The following KIF6 variants were observed in gnomAD, a reference collection of about 807,000 sequenced individuals.
The protein encoded by KIF6 is kinesin family member 6, also known as kinesin-like protein KIF6.
Under a neutral mutation model 112.7 loss-of-function variants are expected in KIF6, and 106 were observed. That is an observed-to-expected ratio of 0.94 (90% confidence interval 0.80 to 1.11). The LOEUF is 1.11. KIF6 is among the 50% of genes least tolerant of loss of function. The pLI, the probability that KIF6 is intolerant of heterozygous loss-of-function variation, is 0.00. For missense variants in KIF6, 929 were observed against 964.0 expected, an observed-to-expected ratio of 0.96 and a Z score of 0.48; for synonymous variants, 339 against 339.9, an observed-to-expected ratio of 1.00 and a Z score of 0.03.
intron 16 of KIF6, among the ~76,000 whole-genome samples, chr6:39,370,863 A>G (rs1400691319): frequency 1.3e-5 from 2 of 151,904 alleles, no homozygotes; most frequent in African/African-American, 4.8e-5. Context: ...ACTACTGTCG[A>G]TTTTTATTCA....
intron 7 of KIF6, among the ~76,000 whole-genome samples, chr6:39,589,451 C>A (rs553923446): frequency 3.9e-5 from 6 of 152,226 alleles, no homozygotes; most frequent in African/African-American, 1.2e-4. Context: ...ACCCCCACTG[C>A]GGAGAACAGT....
intron 2 of KIF6, among the ~76,000 whole-genome samples, chr6:39,719,315 T>C (rs780182535): frequency 2.4e-4 from 36 of 147,550 alleles, no homozygotes; most frequent in Non-Finnish European, 4.7e-4. Flanking sequence ...CAAAACTCTG[T>C]CTCAAAAAAA....
chr6:39,558,323 G>C (rs968835177), intron 10 of KIF6, among the ~76,000 whole-genome samples: 1 of 152,076 alleles, frequency 6.6e-6, no homozygotes, highest in African/African-American at 2.4e-5. Flanking sequence ...CCTTTGTGCA[G>C]GCTATCAGGA....
At chr6:39,430,512 T>C (rs779560879) in intron 14 of KIF6, among the ~76,000 whole-genome samples, 1 of 152,200 alleles carries the variant, frequency 6.6e-6, no homozygotes, top group Non-Finnish European at 1.5e-5. Context: ...TATATACCTC[T>C]AAGTAAGCTT....
At chr6:39,377,349 T>TCCCCCCCCCCCCCCCCACC (rs1766520155) in intron 16 of KIF6, among the ~76,000 whole-genome samples, 1 of 139,498 alleles carries the variant, frequency 7.2e-6, no homozygotes, top group African/African-American at 2.8e-5. Flanking sequence ...GTGCCTGCCC[T>TCCCCCCCCCCCCCCCCACC]GCCGTCCCCC....
chr6:39,611,602 T>C (rs976272904), intron 6 of KIF6, among the ~76,000 whole-genome samples: 20 of 152,158 alleles, frequency 1.3e-4, no homozygotes, highest in African/African-American at 4.6e-4. Flanking sequence ...CGAAAGAAAG[T>C]CAGTTAGCAC....
At chr6:39,674,542 A>G (rs1054442368) in intron 3 of KIF6, among the ~76,000 whole-genome samples, 1 of 152,012 alleles carries the variant, frequency 6.6e-6, no homozygotes, top group African/African-American at 2.4e-5. Context: ...ACCAAATTGA[A>G]CTGAGCTGAG....
At chr6:39,597,529 T>G (rs1424736048) in intron 6 of KIF6, among the ~76,000 whole-genome samples, 1 of 152,114 alleles carries the variant, frequency 6.6e-6, no homozygotes, top group Non-Finnish European at 1.5e-5. Flanking sequence ...AAGGATGCAC[T>G]GATTTAGTAA....
chr6:39,725,096 G>A (rs1261983246), intron 1 of KIF6, 149 bp downstream of exon 1: 2 of 574,502 alleles, frequency 3.5e-6, no homozygotes, highest in Non-Finnish European at 5.8e-6. Context: ...GCGGCTGCAG[G>A]GCTCCTCGGT....
intron 15 of KIF6, among the ~76,000 whole-genome samples, chr6:39,414,812 T>C (rs1399775088): frequency 2.6e-5 from 4 of 152,012 alleles, no homozygotes; most frequent in Admixed American, 2.0e-4. Context: ...ATGGAGATCA[T>C]ATATAGTGTT....
intron 9 of KIF6, among the ~76,000 whole-genome samples, chr6:39,582,002 G>A (rs1781324281): frequency 6.6e-6 from 1 of 152,182 alleles, no homozygotes; most frequent in African/African-American, 2.4e-5. Context: ...TTACTGAAAT[G>A]TATCGGATCA....
Position 39,612,708 on chromosome 6 carries a change from T to C in KIF6, c.639+481A>G, listed in dbSNP as rs148237058. Among the ~76,000 whole-genome samples the C allele has an allele frequency of 6.6e-5, 10 of 152,330 alleles. No homozygotes were observed. In the East Asian group the frequency reaches 1.9e-3, roughly 29 times the overall value. ...GTTCAATGCATTGTTCTAAGTACTT[T>C]ATACATATTAACCCACTAACTAAAT... On this transcript the variant is annotated intron_variant, in intron 6 of 22. Transcript: ENST00000287152.
intron 3 of KIF6, among the ~76,000 whole-genome samples, chr6:39,682,687 C>T (rs1787601184): frequency 6.6e-6 from 1 of 152,170 alleles, no homozygotes; most frequent in South Asian, 2.1e-4. Context: ...TCAAGCGATT[C>T]TCCTGCCTCA....
At chr6:39,339,894 G>A (rs1327817350) in intron 22 of KIF6, among the ~76,000 whole-genome samples, 1 of 152,206 alleles carries the variant, frequency 6.6e-6, no homozygotes, top group Non-Finnish European at 1.5e-5. Context: ...CTGCTCCTGA[G>A]CTGACAGTCA....
chr6:39,362,688 A>G (rs908201219), intron 16 of KIF6, among the ~76,000 whole-genome samples, 170 bp from the exon 17 acceptor site: 5 of 152,132 alleles, frequency 3.3e-5, no homozygotes, highest in African/African-American at 1.2e-4. Flanking sequence ...CCCTGAGAGG[A>G]GCAGCTTCCA....
intron 15 of KIF6, among the ~76,000 whole-genome samples, chr6:39,405,430 A>C (rs1769012764): frequency 6.6e-6 from 1 of 152,168 alleles, no homozygotes; most frequent in South Asian, 2.1e-4. Flanking sequence ...ATGAATGCTA[A>C]ATTTTATCAA....
At chr6:39,525,430 A>G (rs1383438584) in intron 13 of KIF6, among the ~76,000 whole-genome samples, 1 of 152,196 alleles carries the variant, frequency 6.6e-6, no homozygotes, top group Non-Finnish European at 1.5e-5. Context: ...GGCAATATTC[A>G]TCCTAGTTTA....
rs1443982685 is a variant in KIF6 at position 39,342,594 on chromosome 6, G to GTTTTTTTTTTTTTTT, written c.2428+1114_2428+1115insAAAAAAAAAAAAAAA. 2.4e-5 allele frequency among the ~76,000 whole-genome samples: 3 copies of GTTTTTTTTTTTTTTT among 124,308 alleles called. No individual in the cohort carries two copies. The highest frequency in any genetic ancestry group is 8.8e-5 in the African/African-American group (2 of 22,824). 81.6% of individuals were successfully genotyped at this position (124,308 alleles called of 152,430 possible). On this transcript the variant is annotated intron_variant, in intron 22 of 22. Transcript: ENST00000287152. The surrounding 1 kb of genome is among the most constrained non-coding windows in gnomAD (Gnocchi z 4.7). ...GGGGACTTGGAGATCACTGAATCCA[G>GTTTTTTTTTTTTTTT]TTTTTTATTTTTTTTTATTTTTTTT... is the stretch of plus-strand genomic sequence containing the variant.
chr6:39,695,498 A>G (rs886572405), intron 3 of KIF6, among the ~76,000 whole-genome samples: 4 of 152,158 alleles, frequency 2.6e-5, no homozygotes, highest in Admixed American at 2.6e-4. Context: ...GTGGACAAAG[A>G]ACAAACACTT....
Sources: gnomAD v4.1 joint callset for allele counts (sites outside exome capture counted in the v4.1 genomes callset) on GRCh38, gnomAD v4.1.1 for gene constraint, Gnocchi (gnomAD v3.1) non-coding constraint, MANE v1.5 for transcripts, NCBI Gene and HGNC (gene_info 2026-07-23, HGNC 2026-07-21) for gene names.